Variants in SRBD1 observed in about 807,000 individuals in gnomAD.
SRBD1 encodes S1 RNA-binding domain-containing protein 1.
SRBD1 carries 88 observed loss-of-function variants against 115.3 expected under a neutral mutation model. The ratio of observed to expected loss-of-function variants is 0.76; its 90% CI spans 0.64 to 0.91. SRBD1 has a LOEUF of 0.91. Ranked by LOEUF, SRBD1 falls within the 40% of genes least tolerant of loss-of-function variation. The probability of loss-of-function intolerance (pLI) is 0.00; values close to 1 mark genes in which losing one functional copy is unlikely to be tolerated. For synonymous variants in SRBD1, 509 were observed against 407.7 expected (o/e 1.25, Z -2.99); for missense variants, 1,385 against 1,177.4 (o/e 1.18, Z -2.58).
At chr2:45,422,011 G>T (rs1372969600) in intron 16 of SRBD1, among the ~76,000 whole-genome samples, 1 of 152,148 alleles carries the variant, frequency 6.6e-6, no homozygotes, top group Non-Finnish European at 1.5e-5. Flanking sequence ...ATGAAAAGCA[G>T]CAAAATGAAA....
intron 14 of SRBD1, among the ~76,000 whole-genome samples, chr2:45,491,974 A>T (rs868502835): frequency 2.6e-5 from 4 of 151,966 alleles, no homozygotes; most frequent in Middle Eastern, 6.3e-3. Context: ...GGTGCCCACC[A>T]TCATGCCCAG....
At chr2:45,493,997 A>G (rs1020106682) in intron 14 of SRBD1, among the ~76,000 whole-genome samples, 1 of 152,042 alleles carries the variant, frequency 6.6e-6, no homozygotes, top group Middle Eastern at 3.2e-3. Context: ...TTTTAGCAAT[A>G]CATGCAAATG....
At chr2:45,494,155 T>C (rs1432445177) in intron 14 of SRBD1, among the ~76,000 whole-genome samples, 3 of 152,192 alleles carry the variant, frequency 2.0e-5, no homozygotes. Flanking sequence ...TTTTATCTCA[T>C]GTAAAATATT....
At chr2:45,395,292 T>C (rs895775318) in intron 19 of SRBD1, among the ~76,000 whole-genome samples, 2 of 152,158 alleles carry the variant, frequency 1.3e-5, no homozygotes, top group Non-Finnish European at 2.9e-5. Context: ...TTATAATTAA[T>C]AAAAGTAACT....
intron 10 of SRBD1, among the ~76,000 whole-genome samples, chr2:45,554,203 CTTT>C (rs1672398710): frequency 6.6e-6 from 1 of 152,154 alleles, no homozygotes; most frequent in African/African-American, 2.4e-5. Flanking sequence ...AGGGCTTGCT[CTTT>C]CTCTCTCTTT....
intron 14 of SRBD1, among the ~76,000 whole-genome samples, chr2:45,540,092 C>A (rs1271388589): frequency 4.6e-5 from 7 of 152,126 alleles, no homozygotes; most frequent in Admixed American, 2.0e-4. Flanking sequence ...CCTGTAACCC[C>A]AGCACTTTGG....
At chr2:45,551,986 A>C (rs1039540843) in intron 11 of SRBD1, among the ~76,000 whole-genome samples, 6 of 152,204 alleles carry the variant, frequency 3.9e-5, no homozygotes, top group African/African-American at 1.4e-4. Context: ...GTCCTGAATT[A>C]AGACAGTCAC....
chr2:45,562,591 G>A, intron 10 of SRBD1, 62 bp downstream of exon 10: 1 of 1,294,336 alleles, frequency 7.7e-7, no homozygotes, highest in South Asian at 1.4e-5. Flanking sequence ...AGTACATATA[G>A]ATATCGGTAT....
intron 18 of SRBD1, among the ~76,000 whole-genome samples, chr2:45,413,956 C>G (rs1667684080): frequency 6.6e-6 from 1 of 151,342 alleles, no homozygotes; most frequent in Non-Finnish European, 1.5e-5. Flanking sequence ...AAAAGAAAAG[C>G]AAAAGACTCA....
At chr2:45,518,972 A>C (rs1455080328) in intron 14 of SRBD1, among the ~76,000 whole-genome samples, 2 of 151,850 alleles carry the variant, frequency 1.3e-5, no homozygotes, top group East Asian at 3.8e-4. Flanking sequence ...GCTAAAAAAA[A>C]AAAAAAAAAA....
At chr2:45,595,269 G>T (rs537212504) in intron 4 of SRBD1, among the ~76,000 whole-genome samples, 2 of 152,068 alleles carry the variant, frequency 1.3e-5, no homozygotes, top group Non-Finnish European at 1.5e-5. Flanking sequence ...CACCTTGAAC[G>T]GAAAAAAACA....
chr2:45,547,603 A>G lies in SRBD1; in HGVS notation c.1685T>C (p.Leu562Pro). Residue 562 changes from leucine to proline, a missense_variant, in exon 13 of 21, where the codon CTT (leucine) becomes CCT (proline). Leu to Pro is a moderately conservative substitution (Grantham distance 98). Coordinates refer to ENST00000263736, the MANE Select transcript of SRBD1 (RefSeq NM_018079.5). ...ATGCAAGTAAACCACATCAGTATGA[A>G]GTATCTGACCTTTAAAAAATGAAAA... ...LAIISPTSQI[L>P]HTDVVYLHCG... 6.2e-7 allele frequency: 1 copy of G among 1,612,972 alleles called. No homozygotes were observed. Among genetic ancestry groups the G allele is most frequent in the East Asian group, 2.2e-5 (1 of 44,844 alleles).
At chr2:45,507,449 G>T (rs116354004) in intron 14 of SRBD1, among the ~76,000 whole-genome samples, 2 of 152,034 alleles carry the variant, frequency 1.3e-5, no homozygotes, top group Non-Finnish European at 2.9e-5. Flanking sequence ...TGGGCGCGGC[G>T]GCTCACGTCT....
intron 14 of SRBD1, among the ~76,000 whole-genome samples, chr2:45,518,401 A>C (rs1671183878): frequency 1.3e-5 from 2 of 152,218 alleles, no homozygotes; most frequent in African/African-American, 4.8e-5. Context: ...TTTGAGCAGA[A>C]TGAATGACAG....
chr2:45,506,092 T>C (rs543670762), intron 14 of SRBD1, among the ~76,000 whole-genome samples: 4 of 152,298 alleles, frequency 2.6e-5, no homozygotes, highest in African/African-American at 9.6e-5. Flanking sequence ...AAGCAGGAGA[T>C]GCTGAAGAAG....
intron 16 of SRBD1, among the ~76,000 whole-genome samples, chr2:45,441,193 G>T (rs962389273): frequency 1.3e-5 from 2 of 152,086 alleles, no homozygotes; most frequent in Non-Finnish European, 1.5e-5. Context: ...AGTTAATATG[G>T]AAAGGAAAGG....
intron 16 of SRBD1, among the ~76,000 whole-genome samples, chr2:45,476,222 C>G (rs535190695): frequency 6.6e-6 from 1 of 152,228 alleles, no homozygotes; most frequent in South Asian, 2.1e-4. Flanking sequence ...CTCCAGGACA[C>G]TGCCTCTTTT....
At chr2:45,479,394 A>G (rs1669895050) in intron 15 of SRBD1, among the ~76,000 whole-genome samples, 2 of 152,248 alleles carry the variant, frequency 1.3e-5, no homozygotes, top group Admixed American at 6.5e-5. Flanking sequence ...ATGCAAAGGA[A>G]GAGTTCTTGA....
chr2:45,391,034 C>T (rs1666982624), intron 20 of SRBD1, among the ~76,000 whole-genome samples: 1 of 152,150 alleles, frequency 6.6e-6, no homozygotes, highest in Non-Finnish European at 1.5e-5. Flanking sequence ...GTCTCCGAGA[C>T]CCCATAGGCA....
Sources: gnomAD v4.1 joint callset for allele counts (sites outside exome capture counted in the v4.1 genomes callset) on GRCh38, gnomAD v4.1.1 for gene constraint, MANE v1.5 for transcripts, NCBI Gene and HGNC (gene_info 2026-07-23, HGNC 2026-07-21) for gene names.